Variants in PAPLN observed in about 807,000 individuals in gnomAD.
The protein encoded by PAPLN is papilin, proteoglycan like sulfated glycoprotein.
A neutral mutation model predicts 159.0 loss-of-function variants in PAPLN; 146 were observed. The ratio of observed to expected loss-of-function variants is 0.92; its 90% confidence interval spans 0.80 to 1.05. The LOEUF is 1.05. Ranked by LOEUF, PAPLN falls within the 50% of genes least tolerant of loss-of-function variation. The probability of loss-of-function intolerance (pLI) is 0.00; values close to 1 mark genes in which losing one functional copy is unlikely to be tolerated. For synonymous variants in PAPLN, 734 were observed against 702.9 expected (o/e 1.04, Z -0.70); for missense variants, 1,720 against 1,743.9 (o/e 0.99, Z 0.24).
At position 73,251,536 on chromosome 14, in the gene PAPLN, G is replaced by A. The variant is rs762361950; in HGVS notation, c.640G>A (p.Asp214Asn). ...VPMGATSILI[D>N]EAAASRNFLA... ...CATGGGTGCCACCAGCATCCTCATCGACGAGGCTGCTGCCAGCAGGAACTT... is the reference window on the plus strand; with the variant it reads ...CATGGGTGCCACCAGCATCCTCATCAACGAGGCTGCTGCCAGCAGGAACTT... The change falls in exon 8 of 27, where the codon GAC becomes AAC. Residue 214 changes from aspartate to asparagine, a missense_variant. Physicochemically the swap from Asp to Asn is conservative, Grantham distance 23. Coordinates refer to ENST00000644200, the MANE Select transcript of PAPLN (RefSeq NM_001365906.3). The A allele has an allele frequency of 2.4e-5, 38 of 1,612,198 alleles. No individual in the cohort carries two copies. The highest frequency in any genetic ancestry group is 4.5e-5 in the East Asian group (2 of 44,876).
intron 18 of PAPLN, 74 bp downstream of exon 18, chr14:73,261,368 G>T: frequency 1.3e-6 from 2 of 1,537,568 alleles, no homozygotes; most frequent in South Asian, 1.2e-5. Context: ...CCCCACCCAG[G>T]ACCAAAGACC....
chr14:73,261,417 A>G (rs1027731699), intron 18 of PAPLN, 123 bp downstream of exon 18: 2 of 1,339,176 alleles, frequency 1.5e-6, no homozygotes, highest in Non-Finnish European at 2.0e-6. Flanking sequence ...CCTACCACAA[A>G]TGTTGATTGC....
At chr14:73,246,634 C>CTT (rs1884395551) in intron 5 of PAPLN, among the ~76,000 whole-genome samples, 4 of 129,238 alleles carry the variant, frequency 3.1e-5, no homozygotes, top group Non-Finnish European at 3.3e-5. Flanking sequence ...TTTCCTTTTT[C>CTT]TTTCTTTCTT....
chr14:73,244,718 AG>A lies in PAPLN; in HGVS notation c.134del (p.Gly45ValfsTer74), dbSNP rs753631303. 2 of 1,593,964 alleles carry A rather than the reference AG, an allele frequency of 1.3e-6. No homozygotes were observed. Among genetic ancestry groups the A allele is most frequent in the Non-Finnish European group, 1.7e-6 (2 of 1,170,722 alleles). On this transcript the variant is annotated frameshift_variant, in exon 3 of 27. Transcript: ENST00000644200. LOFTEE classifies it high-confidence loss of function. ...GGAGCCCCTGCAGCCGGACCTGTGG[AG>A]GGGGTGTCAGCTTCCGGGAGCGCCC... Reference protein sequence around the residue: ...QWSPCSRTCGGGVSFRERPCY... With the variant: ...QWSPCSRTCGXGVSFRERPCY...
chr14:73,262,900 CT>C, intron 19 of PAPLN, 73 bp downstream of exon 19: 1 of 1,289,640 alleles, frequency 7.8e-7, no homozygotes, highest in Non-Finnish European at 1.0e-6. Context: ...AGCTAAACCC[CT>C]GAAGTCAGCC....
chr14:73,256,595 A>G lies in PAPLN; in HGVS notation c.1627+1577A>G, dbSNP rs564492931. 7.3e-5 allele frequency among the ~76,000 whole-genome samples: 11 copies of G among 151,564 alleles called. No individual in the cohort carries two copies. The South Asian group carries it at 1.5e-3, about 20-fold the overall frequency. On this transcript the variant is annotated intron_variant, in intron 14 of 26. Transcript: ENST00000644200. ...TATCTGTTGGAGTCTTCCAACCCCAAATTATTGTTTTAAATATCCCTGGGG... is the reference window on the plus strand; with the variant it reads ...TATCTGTTGGAGTCTTCCAACCCCAGATTATTGTTTTAAATATCCCTGGGG...
chr14:73,266,968 C>G, intron 25 of PAPLN, 137 bp downstream of exon 25: 2 of 782,100 alleles, frequency 2.6e-6, no homozygotes, highest in Non-Finnish European at 4.3e-6. Flanking sequence ...GGGGAGAGGG[C>G]TGCAGCACCC....
intron 2 of PAPLN, among the ~76,000 whole-genome samples, chr14:73,241,245 G>C (rs770337372): frequency 4.6e-5 from 7 of 152,088 alleles, no homozygotes; most frequent in African/African-American, 1.7e-4. Context: ...AGCTACCCAC[G>C]GTCCCCTCTG....
rs149182623 is a variant in PAPLN, at chr14:73,264,597, T to C, written c.2996T>C (p.Met999Thr). 1,000 of 1,598,788 alleles carry C rather than the reference T, an allele frequency of 6.3e-4. No individual in the cohort carries two copies. The highest frequency in any genetic ancestry group is 8.0e-4 in the Non-Finnish European group (935 of 1,175,882). ...KIQLRIIGGD[M>T]AVLSEAELSR... Reference sequence around the variant, plus strand: ...CCTGGCCTCATGACAGGGGGTGACATGGCCGTGCTGTCTGAGGCTGAGCTG... The same window carrying C: ...CCTGGCCTCATGACAGGGGGTGACACGGCCGTGCTGTCTGAGGCTGAGCTG... Residue 999 changes from methionine (M) to threonine (T), a missense_variant, in exon 22 of 27, where the codon ATG becomes ACG. By Grantham distance (81) the Met-to-Thr change is moderately conservative. Coordinates refer to ENST00000644200, the MANE Select transcript of PAPLN (RefSeq NM_001365906.3).
At chr14:73,266,909 G>T in intron 25 of PAPLN, 78 bp downstream of exon 25, 1 of 1,361,976 alleles carries the variant, frequency 7.3e-7, no homozygotes, top group Admixed American at 2.0e-5. Context: ...TTCTGCCAGG[G>T]ATGTCACTGT....
At chr14:73,255,064 C>T in intron 14 of PAPLN, 46 bp downstream of exon 14, 2 of 1,575,608 alleles carry the variant, frequency 1.3e-6, no homozygotes, top group Non-Finnish European at 1.7e-6. Context: ...GACCTCTCTC[C>T]CACTCGCTAC....
chr14:73,252,220 C>G, intron 10 of PAPLN, 79 bp downstream of exon 10: 1 of 1,480,430 alleles, frequency 6.8e-7, no homozygotes. Flanking sequence ...AAGTCACAGC[C>G]CTCTCCTCAA....
At chr14:73,268,758 A>G (rs1176029726) in intron 26 of PAPLN, 35 bp downstream of exon 26, 9 of 1,559,626 alleles carry the variant, frequency 5.8e-6, no homozygotes, top group African/African-American at 1.4e-5. Flanking sequence ...TGGGAAGGAC[A>G]TTCCCCAGTA....
intron 2 of PAPLN, among the ~76,000 whole-genome samples, chr14:73,241,910 G>A (rs1883591478): frequency 6.6e-6 from 1 of 152,264 alleles, no homozygotes; most frequent in Non-Finnish European, 1.5e-5. Context: ...AAACAGTGCA[G>A]CAGGAAAGGG....
Position 73,262,510 on chromosome 14 carries a change from C to T in PAPLN, c.2406C>T (p.Ser802=). The change falls in exon 19 of 27, where the codon AGC becomes AGT. Residue 802 remains serine, a synonymous_variant. Transcript: ENST00000644200. ...NNFASEQECM[S]SCQGSLHGPR... ...TTGCCTCGGAGCAAGAGTGCATGAG[C>T]AGCTGCCAGGGATCTCTCCATGGGC... The T allele has an allele frequency of 1.9e-6, 3 of 1,583,288 alleles. No individual in the cohort carries two copies. Among genetic ancestry groups the T allele is most frequent in the Non-Finnish European group, 2.6e-6 (3 of 1,164,080 alleles).
At chr14:73,262,033 A>G in intron 18 of PAPLN, 1 of 332,260 alleles carries the variant, frequency 3.0e-6, no homozygotes. Flanking sequence ...TTTGCATGTG[A>G]CTTCAGGTGG....
Position 73,261,197 on chromosome 14 carries a change from C to T in PAPLN, c.2148C>T (p.Pro716=), listed in dbSNP as rs200034627. The change falls in exon 18 of 27, where the codon CCC becomes CCT. Residue 716 remains proline (P), a synonymous_variant. Transcript: ENST00000644200. ...THQPQAQQNE[P]SECRGSQFGC... is the part of the protein sequence containing the mutation. ...AGCCCCAGGCCCAGCAGAATGAGCC[C>T]AGTGAGTGCCGGGGCTCCCAGTTTG... 3.1e-6 allele frequency: 5 copies of T among 1,614,116 alleles called. No individual in the cohort carries two copies. Among genetic ancestry groups the T allele is most frequent in the Middle Eastern group, 1.6e-4 (1 of 6,062 alleles).
In PAPLN at chr14:73,256,891, A is replaced by C. The variant is rs988350997; in HGVS notation, c.1627+1873A>C. 2.7e-5 allele frequency among the ~76,000 whole-genome samples: 4 copies of C among 149,726 alleles called. No individual in the cohort carries two copies. In the East Asian group the frequency reaches 7.7e-4, roughly 29 times the overall value. Reference sequence around the variant, plus strand: ...AGAGCAAGATTCTATCTCAAAAATAAAAAGATTAAAAAAAAAAATAATAAA... The same window carrying C: ...AGAGCAAGATTCTATCTCAAAAATACAAAGATTAAAAAAAAAAATAATAAA... On this transcript the variant is annotated intron_variant, in intron 14 of 26. Coordinates refer to ENST00000644200, the MANE Select transcript of PAPLN (RefSeq NM_001365906.3).
chr14:73,251,527 A>C lies in PAPLN; in HGVS notation c.631A>C (p.Ile211Leu). The C allele has an allele frequency of 6.2e-7, 1 of 1,611,742 alleles. No homozygotes were observed. Among genetic ancestry groups the C allele is most frequent in the Non-Finnish European group, 8.5e-7 (1 of 1,179,874 alleles). ...ILIVPMGATS[I>L]LIDEAAASRN... Reference sequence around the variant, plus strand: ...CATAGTTCCCATGGGTGCCACCAGCATCCTCATCGACGAGGCTGCTGCCAG... The same window carrying C: ...CATAGTTCCCATGGGTGCCACCAGCCTCCTCATCGACGAGGCTGCTGCCAG... The change falls in exon 8 of 27, where the codon ATC (isoleucine) becomes CTC (leucine). Residue 211 changes from isoleucine (I) to leucine (L), a missense_variant. Ile to Leu is a conservative substitution (Grantham distance 5). Coordinates refer to ENST00000644200, the MANE Select transcript of PAPLN (RefSeq NM_001365906.3).
Sources: gnomAD v4.1 joint callset for allele counts (sites outside exome capture counted in the v4.1 genomes callset) on GRCh38, gnomAD v4.1.1 for gene constraint, MANE v1.5 for transcripts, NCBI Gene and HGNC (gene_info 2026-07-23, HGNC 2026-07-21) for gene names.